Variants in UNC79 observed in about 807,000 individuals in gnomAD.
The protein encoded by UNC79 is unc-79 subunit of NALCN channel complex.
In UNC79, 37 loss-of-function variants were observed where a neutral mutation model predicts 283.1. That is an observed-to-expected ratio of 0.13 (90% confidence interval 0.10 to 0.17). UNC79 has a LOEUF of 0.17. Ranked by LOEUF, UNC79 falls within the 10% of genes least tolerant of loss-of-function variation. The pLI, the probability that UNC79 is intolerant of heterozygous loss-of-function variation, is 1.00. For synonymous variants in UNC79, 1,107 were observed against 1,200.2 expected, an observed-to-expected ratio of 0.92 and a Z score of 1.61; for missense variants, 2,272 against 3,211.1, an observed-to-expected ratio of 0.71 and a Z score of 7.07.
Position 93,514,464 on chromosome 14 carries a change from C to A in UNC79, c.899-9514C>A, listed in dbSNP as rs1168445887. ...CATTGGAAATACAACATATATCTAG[C>A]CCTTTGTGACCTCCAAAATCTCTGT... is the stretch of plus-strand genomic sequence containing the variant. On this transcript the variant is annotated intron_variant, in intron 7 of 48. Transcript: ENST00000555664. Among the ~76,000 whole-genome samples, 3 of 152,176 alleles carry A rather than the reference C, an allele frequency of 2.0e-5. No homozygotes were observed. In the East Asian group the frequency reaches 5.8e-4, roughly 29 times the overall value.
intron 32 of UNC79, 137 bp from the exon 36 acceptor site, chr14:93,641,008 C>T (rs578198674): frequency 3.3e-6 from 2 of 598,020 alleles, no homozygotes; most frequent in East Asian, 5.7e-5. Context: ...TGAGGGCTTT[C>T]TGCAGTACAG....
chr14:93,521,535 G>A (rs1176985995), intron 7 of UNC79, among the ~76,000 whole-genome samples: 2 of 151,772 alleles, frequency 1.3e-5, no homozygotes, highest in African/African-American at 4.8e-5. Context: ...GCCAAGGTCT[G>A]GAAGTTACTG....
At chr14:93,695,141 T>C (rs761237677) in intron 47 of UNC79, among the ~76,000 whole-genome samples, 1 of 152,194 alleles carries the variant, frequency 6.6e-6, no homozygotes, top group African/African-American at 2.4e-5. Flanking sequence ...TCCACCTCTT[T>C]GTCTCTCTGA....
At chr14:93,407,842 G>T (rs1442042781) in intron 1 of UNC79, among the ~76,000 whole-genome samples, 2 of 152,126 alleles carry the variant, frequency 1.3e-5, no homozygotes, top group African/African-American at 4.8e-5. Context: ...AGAGATGAAA[G>T]ACGCAGACGA....
intron 38 of UNC79, among the ~76,000 whole-genome samples, chr14:93,655,924 G>A (rs1260044983): frequency 6.6e-6 from 1 of 152,144 alleles, no homozygotes; most frequent in African/African-American, 2.4e-5. Flanking sequence ...GGTGGCCCAA[G>A]GATCATTGAC....
At chr14:93,550,513 T>G (rs1381026177) in intron 14 of UNC79, among the ~76,000 whole-genome samples, 1 of 2,272 alleles carries the variant, frequency 4.4e-4, no homozygotes, top group South Asian at 7.5e-3. Flanking sequence ...AGACTCCGTA[T>G]CAAAAAAAAA....
intron 2 of UNC79, among the ~76,000 whole-genome samples, chr14:93,472,962 A>G (rs1049549096): frequency 2.6e-5 from 4 of 152,168 alleles, no homozygotes; most frequent in African/African-American, 9.6e-5. Flanking sequence ...CTAATTTTAC[A>G]AAACCTAAAC....
intron 12 of UNC79, among the ~76,000 whole-genome samples, chr14:93,539,641 T>C (rs2061281177): frequency 6.6e-6 from 1 of 152,166 alleles, no homozygotes; most frequent in South Asian, 2.1e-4. Context: ...CAATTAATGT[T>C]TGTCAAATCG....
chr14:93,474,059 GTC>G lies in UNC79; in HGVS notation c.144-26_144-25del. 1 of 1,503,230 alleles carries G rather than the reference GTC, an allele frequency of 6.7e-7. No homozygotes were observed. Among genetic ancestry groups the G allele is most frequent in the Non-Finnish European group, 8.9e-7 (1 of 1,128,956 alleles). 93.1% of individuals were successfully genotyped at this position (1,503,230 alleles called of 1,614,324 possible). The stretch of plus-strand genomic sequence containing the variant: ...ATGTGCTGTTCTTTGTGTCTTTGTT[GTC>G]TCTTTTTTTTCTTTGTCCCCCCAAC... On this transcript the variant is annotated intron_variant, in intron 2 of 48. Transcript: ENST00000555664. The surrounding 1 kb of genome is among the most constrained non-coding windows in gnomAD (Gnocchi z 4.1).
At chr14:93,538,277 TC>T in intron 12 of UNC79, 59 bp downstream of exon 12, 3 of 1,454,316 alleles carry the variant, frequency 2.1e-6, no homozygotes, top group Non-Finnish European at 2.7e-6. Flanking sequence ...TGAGCTAAGC[TC>T]CGCACACTGA....
At chr14:93,562,879 C>T (rs1486271381) in intron 14 of UNC79, among the ~76,000 whole-genome samples, 1 of 152,098 alleles carries the variant, frequency 6.6e-6, no homozygotes, top group Non-Finnish European at 1.5e-5. Flanking sequence ...TTTGCCAGTC[C>T]TGGGCAGGGG....
rs192968154 is a variant in UNC79 at position 93,364,796 on chromosome 14, T to C, written c.-351+31273T>C. On this transcript the variant is annotated intron_variant, in intron 1 of 49. Coordinates refer to the UNC79 transcript ENST00000256339. ...GGGCCTAAAGGTCCTGGGATTTTTT[T>C]CCAGGTAGTTGCTACTGCCCTTTAG... is the stretch of plus-strand genomic sequence containing the variant. 5.2e-3 allele frequency among the ~76,000 whole-genome samples: 788 copies of C among 152,040 alleles called. 10 individuals are homozygous for C. Among genetic ancestry groups the C allele is most frequent in the Middle Eastern group, 0.051 (15 of 294 alleles).
At chr14:93,661,911 A>G (rs1034563354) in intron 39 of UNC79, among the ~76,000 whole-genome samples, 4 of 152,150 alleles carry the variant, frequency 2.6e-5, no homozygotes, top group Non-Finnish European at 4.4e-5. Context: ...GTCATTACCT[A>G]TATTATAACA....
intron 1 of UNC79, among the ~76,000 whole-genome samples, chr14:93,339,841 C>T (rs2053666046): frequency 6.6e-6 from 1 of 152,230 alleles, no homozygotes; most frequent in Admixed American, 6.5e-5. Flanking sequence ...TAATCTATGA[C>T]ATTTACACAT....
At chr14:93,601,669 G>A (rs2065515990) in intron 25 of UNC79, among the ~76,000 whole-genome samples, 1 of 152,126 alleles carries the variant, frequency 6.6e-6, no homozygotes, top group Non-Finnish European at 1.5e-5. Flanking sequence ...GTTCTTTAAG[G>A]AATCTCCATA....
At chr14:93,439,137 A>G (rs910059613) in intron 1 of UNC79, among the ~76,000 whole-genome samples, 2 of 152,076 alleles carry the variant, frequency 1.3e-5, no homozygotes, top group African/African-American at 4.8e-5. Context: ...ATACAATTGT[A>G]TGCTCTGCAA....
intron 4 of UNC79, among the ~76,000 whole-genome samples, chr14:93,479,229 TTTCC>T (rs1168319678): frequency 9.0e-6 from 1 of 111,368 alleles, no homozygotes; most frequent in African/African-American, 3.6e-5. Flanking sequence ...CCTTCCTTCC[TTTCC>T]TTCCTTCCTC....
At chr14:93,569,761 CT>C (rs2063111063) in intron 14 of UNC79, among the ~76,000 whole-genome samples, 1 of 152,082 alleles carries the variant, frequency 6.6e-6, no homozygotes, top group African/African-American at 2.4e-5. Flanking sequence ...AGTTCTCCTT[CT>C]TAAGGGCAGG....
At chr14:93,440,023 A>G (rs1395317866) in intron 1 of UNC79, among the ~76,000 whole-genome samples, 1 of 152,104 alleles carries the variant, frequency 6.6e-6, no homozygotes, top group Non-Finnish European at 1.5e-5. Flanking sequence ...CCAACAGTAG[A>G]TCAAAAATAT....
Sources: allele counts gnomAD v4.1 joint callset (sites outside exome capture counted in the v4.1 genomes callset), GRCh38; gene constraint gnomAD v4.1.1; non-coding constraint Gnocchi (gnomAD v3.1); transcripts MANE v1.5; gene names NCBI Gene and HGNC (gene_info 2026-07-23, HGNC 2026-07-21).